Variants in CLEC4C observed in about 807,000 individuals in gnomAD.
CLEC4C encodes the protein C-type lectin domain family 4 member C, also known as C-type (calcium dependent, carbohydrate-recognition domain) lectin, superfamily member 11.
A neutral mutation model predicts 27.7 loss-of-function variants in CLEC4C; 17 were observed. That is an observed-to-expected ratio of 0.61 (90% CI 0.42 to 0.92). The LOEUF (loss-of-function observed/expected upper bound fraction) is 0.92, where lower values mean the gene tolerates loss of function less well. Ranked by LOEUF, CLEC4C falls within the 40% of genes least tolerant of loss-of-function variation. The pLI is 0.00. For missense variants in CLEC4C, 244 were observed against 257.3 expected (o/e 0.95, Z 0.35); for synonymous variants, 80 against 80.8 (o/e 0.99, Z 0.06).
At chr12:7,744,835 G>GA (rs1187007988) in intron 2 of CLEC4C, among the ~76,000 whole-genome samples, 1 of 151,658 alleles carries the variant, frequency 6.6e-6, no homozygotes, top group Non-Finnish European at 1.5e-5. Flanking sequence ...GGCTGGTCTT[G>GA]AACTCCTGTC....
chr12:7,731,122 T>C (rs1864587597), intron 4 of CLEC4C, among the ~76,000 whole-genome samples: 1 of 152,122 alleles, frequency 6.6e-6, no homozygotes, highest in African/African-American at 2.4e-5. Context: ...GAAAAGTCTC[T>C]TGGGTAACTG....
intron 4 of CLEC4C, among the ~76,000 whole-genome samples, chr12:7,733,605 C>G (rs994757983): frequency 6.6e-6 from 1 of 151,336 alleles, no homozygotes; most frequent in Non-Finnish European, 1.5e-5. Context: ...CCTCAGCCTC[C>G]CGAGTAGCTG....
intron 2 of CLEC4C, 53 bp from the exon 3 acceptor site, chr12:7,741,584 G>T: frequency 1.0e-6 from 1 of 998,418 alleles, no homozygotes; most frequent in Non-Finnish European, 1.6e-6. Context: ...GATCTATGTT[G>T]TACTATACAA....
chr12:7,743,297 A>G (rs1224938746), intron 2 of CLEC4C, among the ~76,000 whole-genome samples: 3 of 152,224 alleles, frequency 2.0e-5, no homozygotes, highest in Admixed American at 6.5e-5. Context: ...ACATTTAGAC[A>G]TCTTTTGCTA....
chr12:7,742,002 C>T (rs927643083), intron 2 of CLEC4C, among the ~76,000 whole-genome samples: 3 of 147,708 alleles, frequency 2.0e-5, no homozygotes, highest in African/African-American at 4.9e-5. Context: ...GCCTGGACGA[C>T]AGAGCAAGAC....
intron 4 of CLEC4C, among the ~76,000 whole-genome samples, chr12:7,735,195 C>T (rs1864695652): frequency 6.7e-6 from 1 of 148,478 alleles, no homozygotes; most frequent in African/African-American, 2.5e-5. Flanking sequence ...GAGAGAGACT[C>T]TGTCTCAAAA....
intron 4 of CLEC4C, among the ~76,000 whole-genome samples, chr12:7,734,470 T>G (rs776219600): frequency 6.6e-6 from 1 of 152,280 alleles, no homozygotes; most frequent in South Asian, 2.1e-4. Flanking sequence ...ATTGCCATAA[T>G]GTACTGTAGG....
intron 3 of CLEC4C, among the ~76,000 whole-genome samples, chr12:7,740,437 C>T (rs867923111): frequency 1.3e-5 from 2 of 151,960 alleles, no homozygotes; most frequent in Admixed American, 6.6e-5. Flanking sequence ...CGGTGGCTCA[C>T]GCCTGTAATC....
intron 5 of CLEC4C, among the ~76,000 whole-genome samples, chr12:7,730,044 T>C (rs917456278): frequency 6.6e-6 from 1 of 152,168 alleles, no homozygotes; most frequent in Non-Finnish European, 1.5e-5. Context: ...AGTTTAGCCA[T>C]CCCTATGTCC....
rs180902005 is a variant in CLEC4C, at chr12:7,733,673, G to A, written c.382-2761C>T. Among the ~76,000 whole-genome samples the A allele has an allele frequency of 4.5e-3, 683 of 151,144 alleles. 4 individuals are homozygous for A. Among genetic ancestry groups the A allele is most frequent in the Non-Finnish European group, 6.9e-3 (470 of 67,960 alleles). ...ATTTTTTGTATTTTTAGTAGAGACGGGGTTTCACCATATTAGCCAGGATGG... is the reference window on the plus strand; with the variant it reads ...ATTTTTTGTATTTTTAGTAGAGACGAGGTTTCACCATATTAGCCAGGATGG... On this transcript the variant is annotated intron_variant, in intron 4 of 5. Transcript: ENST00000360345.
Position 7,746,234 on chromosome 12 carries a change from G to GA in CLEC4C, c.124+96dup, listed in dbSNP as rs1209847578. 3.3e-3 allele frequency: 1,856 copies of GA among 566,560 alleles called. 5 individuals are homozygous for GA. Among genetic ancestry groups the GA allele is most frequent in the Non-Finnish European group, 4.1e-3 (1,408 of 341,864 alleles). 35.1% of individuals were successfully genotyped at this position (566,560 alleles called of 1,614,324 possible). A position where few individuals can be genotyped will look rare whatever the true frequency, so the allele number is the denominator to read the frequency against. On this transcript the variant is annotated intron_variant, in intron 2 of 5. Coordinates refer to ENST00000360345, the MANE Select transcript of CLEC4C (RefSeq NM_001371390.1). ...GTCTCAAAAAAAAAAAAAAAAAAAAGAAAAAAAAAGAAAGAGGAACGTGTT... is the reference window on the plus strand; with the variant it reads ...GTCTCAAAAAAAAAAAAAAAAAAAAGAAAAAAAAAAGAAAGAGGAACGTGTT...
chr12:7,745,952 A>G (rs1864963594), intron 2 of CLEC4C, among the ~76,000 whole-genome samples: 1 of 151,814 alleles, frequency 6.6e-6, no homozygotes, highest in Non-Finnish European at 1.5e-5. Flanking sequence ...GCGGTGGCTC[A>G]CACCTGTAAT....
chr12:7,746,048 T>C (rs1001253434), intron 2 of CLEC4C, among the ~76,000 whole-genome samples: 16 of 151,080 alleles, frequency 1.1e-4, no homozygotes, highest in Non-Finnish European at 1.2e-4. Flanking sequence ...AACCCGTCTC[T>C]ACTAAAAATA....
At chr12:7,747,925 A>AC (rs1865022238), upstream of CLEC4C, among the ~76,000 whole-genome samples, 1 of 149,800 alleles carries the variant, frequency 6.7e-6, no homozygotes, top group South Asian at 2.1e-4. Flanking sequence ...CCATCTCCAA[A>AC]AAAAAAAAAA....
chr12:7,736,850 C>A (rs1864737893), intron 4 of CLEC4C, among the ~76,000 whole-genome samples: 3 of 152,018 alleles, frequency 2.0e-5, no homozygotes, highest in African/African-American at 7.3e-5. Context: ...TTGCAGTGAG[C>A]TGAGATTGTG....
In CLEC4C at chr12:7,747,326, T is replaced by C. The variant is rs747642607; in HGVS notation, c.23A>G (p.Gln8Arg). 10 of 1,614,006 alleles carry C rather than the reference T, an allele frequency of 6.2e-6. No homozygotes were observed. The highest frequency in any genetic ancestry group is 8.5e-6 in the Non-Finnish European group (10 of 1,180,000). The change falls in exon 1 of 6, where the codon CAA becomes CGA. Residue 8 changes from glutamine to arginine, a missense_variant. Physicochemically the swap from Gln to Arg is conservative, Grantham distance 43. Transcript: ENST00000360345. The stretch of plus-strand genomic sequence containing the variant: ...AGAAGATGAGTGCTTACCTCGGTCT[T>C]GAGGCTCTTCTTCAGGCACCATTGT... The part of the protein sequence containing the change: MVPEEEP[Q>R]DREKGLWWFQ...
chr12:7,737,442 G>A lies in CLEC4C; in HGVS notation c.368C>T (p.Thr123Ile), dbSNP rs1164144929. The A allele has an allele frequency of 1.2e-6, 2 of 1,613,054 alleles. No individual in the cohort carries two copies. The highest frequency in any genetic ancestry group is 1.7e-6 in the Non-Finnish European group (2 of 1,179,672). Residue 123 changes from threonine to isoleucine, a missense_variant, in exon 4 of 6, where the codon ACC becomes ATC. Transcript: ENST00000360345. The stretch of plus-strand genomic sequence containing the variant: ...GTTAGAACATACCTGTTCTTCCCTG[G>A]TGTTGATCACCACCAGATCAGCCCC... ...VMGADLVVIN[T>I]REEQDFIIQN...
intron 3 of CLEC4C, among the ~76,000 whole-genome samples, chr12:7,740,695 C>T (rs1164733947): frequency 1.8e-4 from 26 of 145,426 alleles, no homozygotes; most frequent in Admixed American, 5.0e-4. Context: ...AGTGAGACTC[C>T]GTCTCAAAAA....
chr12:7,738,849 G>T (rs544804577), intron 3 of CLEC4C, among the ~76,000 whole-genome samples: 59 of 152,044 alleles, frequency 3.9e-4, no homozygotes, highest in African/African-American at 1.4e-3. Flanking sequence ...TAAGTTCTAG[G>T]GTACATGTGC....
Sources: allele counts gnomAD v4.1 joint callset (sites outside exome capture counted in the v4.1 genomes callset), GRCh38; gene constraint gnomAD v4.1.1; transcripts MANE v1.5; gene names NCBI Gene and HGNC (gene_info 2026-07-23, HGNC 2026-07-21).